The following PTPRM variants were observed in gnomAD, a reference collection of about 807,000 sequenced individuals.
PTPRM encodes the protein receptor-type tyrosine-protein phosphatase mu.
Under a neutral mutation model 186.7 loss-of-function variants are expected in PTPRM, and 47 were observed. The ratio of observed to expected loss-of-function variants is 0.25; its 90% confidence interval spans 0.20 to 0.32. The LOEUF is 0.32. Ranked by LOEUF, PTPRM falls within the 10% of genes least tolerant of loss-of-function variation. The pLI is 1.00. For synonymous variants in PTPRM, 668 were observed against 674.9 expected (o/e 0.99, Z 0.16); for missense variants, 1,494 against 1,865.0 (o/e 0.80, Z 3.66).
intron 14 of PTPRM, among the ~76,000 whole-genome samples, chr18:8,203,188 G>A (rs1309160443): frequency 1.3e-5 from 2 of 152,174 alleles, no homozygotes; most frequent in Non-Finnish European, 2.9e-5. Flanking sequence ...CAGCTCTAGG[G>A]TAGCACCATT....
chr18:7,693,257 C>G (rs1203766933), intron 1 of PTPRM, among the ~76,000 whole-genome samples: 4 of 152,128 alleles, frequency 2.6e-5, no homozygotes, highest in African/African-American at 9.7e-5. Context: ...GATGAACACT[C>G]CACATGCAGG....
intron 4 of PTPRM, among the ~76,000 whole-genome samples, chr18:7,923,276 A>G (rs2050974868): frequency 6.6e-6 from 1 of 152,160 alleles, no homozygotes. Context: ...GAGCAGGATT[A>G]GGTGTCTGGG....
chr18:7,777,498 C>T (rs2042645924), intron 2 of PTPRM, among the ~76,000 whole-genome samples: 2 of 152,308 alleles, frequency 1.3e-5, no homozygotes, highest in Admixed American at 1.3e-4. Flanking sequence ...GACTGGTCCA[C>T]AAAGCGTAAG....
At chr18:7,809,489 C>CCCAGGAGAAGAAGTCT (rs1366689756) in intron 2 of PTPRM, among the ~76,000 whole-genome samples, 34 of 152,268 alleles carry the variant, frequency 2.2e-4, no homozygotes, top group Admixed American at 1.2e-3. Context: ...TCTTCTCCAG[C>CCCAGGAGAAGAAGTCT]CCAGGTGCAC....
chr18:7,663,093 T>C (rs754454294), intron 1 of PTPRM, among the ~76,000 whole-genome samples: 3 of 152,148 alleles, frequency 2.0e-5, no homozygotes, highest in Non-Finnish European at 2.9e-5. Flanking sequence ...CTCTGAGGGC[T>C]AAGTGACTGG....
intron 1 of PTPRM, among the ~76,000 whole-genome samples, chr18:7,724,912 A>G (rs1246029048): frequency 2.0e-5 from 3 of 152,212 alleles, no homozygotes; most frequent in African/African-American, 7.2e-5. Flanking sequence ...CTTTGTCTTT[A>G]TACACATACC....
chr18:7,842,949 G>T (rs3078270), intron 2 of PTPRM, among the ~76,000 whole-genome samples: 31,783 of 77,900 alleles, frequency 0.41, 4,143 homozygotes, highest in Admixed American at 0.44. Context: ...TATATATATA[G>T]AGAGAGAGAG....
chr18:8,181,334 A>G (rs1439737484), intron 14 of PTPRM, among the ~76,000 whole-genome samples: 2 of 152,204 alleles, frequency 1.3e-5, no homozygotes, highest in Non-Finnish European at 2.9e-5. Context: ...AAACCAGGCC[A>G]TAGAAAGCGT....
At chr18:8,199,134 T>C (rs1405075149) in intron 14 of PTPRM, among the ~76,000 whole-genome samples, 2 of 152,154 alleles carry the variant, frequency 1.3e-5, no homozygotes, top group Non-Finnish European at 2.9e-5. Flanking sequence ...TGAAATCCTT[T>C]GAGTGCTAAC....
chr18:7,907,317 C>T (rs551401430), intron 4 of PTPRM, among the ~76,000 whole-genome samples: 17 of 152,286 alleles, frequency 1.1e-4, no homozygotes, highest in Admixed American at 3.3e-4. Flanking sequence ...CAGACTGTAG[C>T]TGCTTGAAGC....
At chr18:8,066,667 A>G (rs1251592558) in intron 7 of PTPRM, among the ~76,000 whole-genome samples, 2 of 152,232 alleles carry the variant, frequency 1.3e-5, no homozygotes, top group African/African-American at 2.4e-5. Flanking sequence ...TCCGTAAGAT[A>G]GTTTTGCTTT....
intron 30 of PTPRM, 23 bp from the exon 31 acceptor site, chr18:8,387,049 G>C (rs377238937): frequency 3.2e-6 from 5 of 1,569,434 alleles, no homozygotes; most frequent in Non-Finnish European, 4.4e-6. Flanking sequence ...TCCACTCCCC[G>C]ATTGTTGCCT....
At chr18:8,301,304 T>G (rs999572477) in intron 20 of PTPRM, among the ~76,000 whole-genome samples, 1 of 152,252 alleles carries the variant, frequency 6.6e-6, no homozygotes, top group Non-Finnish European at 1.5e-5. Flanking sequence ...ATAAATTTGC[T>G]GAGCTAGCCC....
intron 1 of PTPRM, among the ~76,000 whole-genome samples, chr18:7,658,813 TG>T (rs1012007521): frequency 6.6e-6 from 1 of 152,226 alleles, no homozygotes; most frequent in African/African-American, 2.4e-5. Flanking sequence ...CCATTTCTTT[TG>T]GCCGCTTGTT....
At chr18:7,736,831 G>A (rs1002270063) in intron 1 of PTPRM, among the ~76,000 whole-genome samples, 2 of 152,166 alleles carry the variant, frequency 1.3e-5, no homozygotes, top group Admixed American at 1.3e-4. Context: ...TTTCGGGCCT[G>A]GCGCTGGGCT....
At chr18:8,125,976 CATATATATATATATATATATATATATATA>C (rs2092326726) in intron 13 of PTPRM, among the ~76,000 whole-genome samples, 2 of 59,688 alleles carry the variant, frequency 3.4e-5, no homozygotes, top group African/African-American at 1.1e-4. Context: ...TGTGTGTATA[CATATATATATATATATATATATATATATA>C]TATATATATA....
At chr18:7,713,299 C>A (rs1478443836) in intron 1 of PTPRM, among the ~76,000 whole-genome samples, 1 of 152,050 alleles carries the variant, frequency 6.6e-6, no homozygotes, top group Non-Finnish European at 1.5e-5. Flanking sequence ...AAATAAAATC[C>A]TTTACAGACA....
intron 1 of PTPRM, among the ~76,000 whole-genome samples, chr18:7,739,544 C>T (rs1209302150): frequency 3.3e-5 from 5 of 152,202 alleles, no homozygotes; most frequent in Non-Finnish European, 7.3e-5. Flanking sequence ...ACTGCGATTA[C>T]TTTTGCACCA....
intron 2 of PTPRM, among the ~76,000 whole-genome samples, chr18:7,833,401 T>G (rs1317276189): frequency 3.3e-5 from 5 of 152,210 alleles, no homozygotes; most frequent in Non-Finnish European, 7.3e-5. Flanking sequence ...ACTTTTTTAT[T>G]TCTTTTACAG....
Sources: gnomAD v4.1 joint callset for allele counts (sites outside exome capture counted in the v4.1 genomes callset) on GRCh38, gnomAD v4.1.1 for gene constraint, MANE v1.5 for transcripts, NCBI Gene and HGNC (gene_info 2026-07-23, HGNC 2026-07-21) for gene names.